Variants in PTPRA observed in about 807,000 individuals in gnomAD.
The protein encoded by PTPRA is protein tyrosine phosphatase receptor type A, also known as receptor-type tyrosine-protein phosphatase alpha.
PTPRA carries 25 observed loss-of-function variants against 104.8 expected under a neutral mutation model. The ratio of observed to expected loss-of-function variants is 0.24; its 90% CI spans 0.17 to 0.33. The LOEUF is 0.33. Among genes scored for constraint, PTPRA ranks in the 10% least tolerant of loss-of-function variants. The pLI is 1.00. For synonymous variants in PTPRA, 323 were observed against 368.9 expected (o/e 0.88, Z 1.43); for missense variants, 765 against 1,015.3 (o/e 0.75, Z 3.35).
chr20:3,018,779 C>A (rs1323096529), intron 13 of PTPRA, among the ~76,000 whole-genome samples: 1 of 142,766 alleles, frequency 7.0e-6, no homozygotes, highest in Non-Finnish European at 1.5e-5. Context: ...CAGAGGGGCT[C>A]CTCACTTCCC....
chr20:3,035,981 A>G lies in PTPRA; in HGVS notation c.2198+40A>G. 1 of 1,611,424 alleles carries G rather than the reference A, an allele frequency of 6.2e-7. No homozygotes were observed. ...TGCCCTCAGCGGGAGAGAGAAAGCG[A>G]GGAGGGGCAGATAGGGGAAGCTGAT... On this transcript the variant is annotated intron_variant, in intron 22 of 23. Coordinates refer to ENST00000399903, the MANE Select transcript of PTPRA (RefSeq NM_001385305.1). This position sits in a 1 kb window ranked among gnomAD's most constrained non-coding sequence, Gnocchi z 5.8.
intron 1 of PTPRA, among the ~76,000 whole-genome samples, chr20:2,917,427 T>A (rs150601024): frequency 5.3e-5 from 8 of 152,244 alleles, no homozygotes; most frequent in African/African-American, 1.9e-4. Flanking sequence ...ACCCTTCTCC[T>A]ATTTCCTGTC....
chr20:2,880,680 T>C (rs1027064893), intron 1 of PTPRA, among the ~76,000 whole-genome samples: 2 of 152,152 alleles, frequency 1.3e-5, no homozygotes, highest in African/African-American at 4.8e-5. Context: ...ACATGAACTT[T>C]CGTGCTCTGT....
chr20:2,921,081 T>C (rs906205104), intron 1 of PTPRA, among the ~76,000 whole-genome samples: 3 of 152,184 alleles, frequency 2.0e-5, no homozygotes, highest in African/African-American at 4.8e-5. Context: ...GACCCAGGCA[T>C]TGAGAAGCAA....
At position 2,997,280 on chromosome 20, in the gene PTPRA, A is replaced by G. The variant is rs577265486; in HGVS notation, c.739-7776A>G. Among the ~76,000 whole-genome samples the G allele has an allele frequency of 9.8e-5, 15 of 152,332 alleles. 1 individual carries two copies. The highest frequency in any genetic ancestry group is 3.1e-4 in the African/African-American group (13 of 41,576). ...AAGGGGGCTGGAAGAGAGGAGAGAC[A>G]TAATAGGGAACTTTGTTTTCTACTA... On this transcript the variant is annotated intron_variant, in intron 9 of 23. Coordinates refer to ENST00000399903, the MANE Select transcript of PTPRA (RefSeq NM_001385305.1).
At chr20:3,004,281 G>C (rs2148288703) in intron 9 of PTPRA, among the ~76,000 whole-genome samples, 1 of 152,306 alleles carries the variant, frequency 6.6e-6, no homozygotes, top group South Asian at 2.1e-4. Flanking sequence ...GCCTCCCAAA[G>C]TGCTGGGATT....
rs1449570414 is a variant in PTPRA, at chr20:2,942,269, G to A, written c.-49-5713G>A. On this transcript the variant is annotated intron_variant, in intron 2 of 23. Coordinates refer to ENST00000399903, the MANE Select transcript of PTPRA (RefSeq NM_001385305.1). ...GAAGTAAGCCTTACTTGATCAGGTTGTGGTATAATTATAACATATGCTGCT... is the reference window on the plus strand; with the variant it reads ...GAAGTAAGCCTTACTTGATCAGGTTATGGTATAATTATAACATATGCTGCT... Among the ~76,000 whole-genome samples the A allele has an allele frequency of 2.6e-5, 4 of 152,170 alleles. No individual in the cohort carries two copies. The East Asian group carries it at 7.7e-4, about 29-fold the overall frequency.
chr20:2,885,044 G>A lies in PTPRA; in HGVS notation c.-129+11284G>A, dbSNP rs1018984418. 3.3e-5 allele frequency among the ~76,000 whole-genome samples: 5 copies of A among 151,932 alleles called. No homozygotes were observed. The South Asian group carries it at 8.3e-4, about 25-fold the overall frequency. On this transcript the variant is annotated intron_variant, in intron 1 of 23. Transcript: ENST00000399903. ...CAGGATGGTCTCGACCTCGTGATCC[G>A]CCCGCCTCGGCCTCCCAAAGTGCTG...
chr20:3,015,303 CTT>C (rs778457233), intron 11 of PTPRA, among the ~76,000 whole-genome samples: 26 of 134,582 alleles, frequency 1.9e-4, no homozygotes, highest in Admixed American at 3.8e-4. Context: ...CTTTCTTTTT[CTT>C]TTTTTTTTTT....
chr20:2,955,013 C>G (rs912357425), intron 3 of PTPRA, among the ~76,000 whole-genome samples: 1 of 152,130 alleles, frequency 6.6e-6, no homozygotes, highest in Non-Finnish European at 1.5e-5. Flanking sequence ...GTTACTGGTT[C>G]TATATTTTAC....
chr20:3,000,354 C>T (rs1329843115), intron 9 of PTPRA, among the ~76,000 whole-genome samples: 1 of 152,224 alleles, frequency 6.6e-6, no homozygotes, highest in East Asian at 1.9e-4. Context: ...AGAGGAAACT[C>T]TTTTGACCAG....
At chr20:2,978,551 G>A (rs147917376) in intron 6 of PTPRA, among the ~76,000 whole-genome samples, 3 of 152,240 alleles carry the variant, frequency 2.0e-5, no homozygotes, top group South Asian at 2.1e-4. Flanking sequence ...CTGTTTAGAG[G>A]TGAGCCCTTC....
intron 10 of PTPRA, among the ~76,000 whole-genome samples, chr20:3,007,076 C>T (rs539683763): frequency 6.6e-6 from 1 of 152,218 alleles, no homozygotes; most frequent in South Asian, 2.1e-4. Flanking sequence ...ATTGTCAGTT[C>T]ATCTGTCAAG....
chr20:3,023,060 TG>T (rs895486772), intron 16 of PTPRA, among the ~76,000 whole-genome samples: 1 of 152,258 alleles, frequency 6.6e-6, no homozygotes, highest in Non-Finnish European at 1.5e-5. Context: ...GCTGTTAATC[TG>T]TAACCCTAGC....
chr20:2,866,230 A>G, the PTPRA span: 3 of 1,613,824 alleles, frequency 1.9e-6, no homozygotes, highest in East Asian at 2.2e-5. Context: ...GGAGATCTGC[A>G]TGAAACAACA....
chr20:2,865,886 G>T, the PTPRA span: 1 of 471,736 alleles, frequency 2.1e-6, no homozygotes, highest in Non-Finnish European at 3.9e-6. This position sits in a 1 kb window ranked among gnomAD's most constrained non-coding sequence, Gnocchi z 5.2. Context: ...GGGCAGGTTT[G>T]AGAATGTCAA....
intron 3 of PTPRA, among the ~76,000 whole-genome samples, chr20:2,949,587 T>A (rs2061283829): frequency 6.6e-6 from 1 of 152,130 alleles, no homozygotes; most frequent in Admixed American, 6.5e-5. Flanking sequence ...CCACTGTGCC[T>A]GGCCAAATTT....
intron 9 of PTPRA, among the ~76,000 whole-genome samples, chr20:2,999,376 G>T (rs1032229495): frequency 3.9e-5 from 6 of 152,110 alleles, no homozygotes; most frequent in Admixed American, 3.9e-4. Context: ...TTTATATGGA[G>T]GAGAAAAGAT....
chr20:2,967,117 T>A (rs1401241090), intron 5 of PTPRA, among the ~76,000 whole-genome samples: 2 of 152,216 alleles, frequency 1.3e-5, no homozygotes, highest in African/African-American at 4.8e-5. Context: ...GGTTAAATGA[T>A]TTGTTTTAGA....
Sources: gnomAD v4.1 joint callset for allele counts (sites outside exome capture counted in the v4.1 genomes callset) on GRCh38, gnomAD v4.1.1 for gene constraint, Gnocchi (gnomAD v3.1) non-coding constraint, MANE v1.5 for transcripts, NCBI Gene and HGNC (gene_info 2026-07-23, HGNC 2026-07-21) for gene names.